The following CPA5 variants were observed in gnomAD, a reference collection of about 807,000 sequenced individuals.
CPA5 encodes carboxypeptidase A5, also known as testicular tissue protein Li 32.
A neutral mutation model predicts 52.2 loss-of-function variants in CPA5; 38 were observed. The ratio of observed to expected loss-of-function variants is 0.73; its 90% confidence interval spans 0.56 to 0.95. CPA5 has a LOEUF of 0.95. Among genes scored for constraint, CPA5 ranks in the 40% least tolerant of loss-of-function variants. The pLI is 0.00. For synonymous variants in CPA5, 198 were observed against 213.7 expected (o/e 0.93, Z 0.64); for missense variants, 519 against 566.7 (o/e 0.92, Z 0.86).
intron 7 of CPA5, 84 bp from the exon 8 acceptor site, chr7:130,362,354 C>A: frequency 2.2e-6 from 2 of 920,186 alleles, no homozygotes; most frequent in Non-Finnish European, 3.5e-6. Context: ...ACTGAGGATG[C>A]CTCAGGGACC....
At chr7:130,347,288 G>A (rs572211105) in intron 3 of CPA5, among the ~76,000 whole-genome samples, 3 of 152,308 alleles carry the variant, frequency 2.0e-5, no homozygotes, top group African/African-American at 7.2e-5. Flanking sequence ...CATGTCAGGT[G>A]GGGTGAGGTT....
At chr7:130,354,480 A>T (rs1347492860) in intron 5 of CPA5, among the ~76,000 whole-genome samples, 2 of 151,716 alleles carry the variant, frequency 1.3e-5, no homozygotes, top group African/African-American at 4.8e-5. Flanking sequence ...TGCAGCCTCC[A>T]CCTCCCAGGC....
At position 130,368,637 on chromosome 7, in the gene CPA5, A is replaced by C; in HGVS notation, c.*40A>C. 1 of 1,607,120 alleles carries C rather than the reference A, an allele frequency of 6.2e-7. No individual in the cohort carries two copies. The highest frequency in any genetic ancestry group is 8.5e-7 in the Non-Finnish European group (1 of 1,175,452). ...GCAGGAGGCTCCATCCTTCTCCCCA[A>C]GGTCTGTGGCTCCTCCCGAAACCCA... On this transcript the variant is annotated 3_prime_UTR_variant, in exon 13 of 13. Transcript: ENST00000474905.
At chr7:130,369,636 C>CGT (rs148171890), downstream of CPA5, among the ~76,000 whole-genome samples, 11 of 151,224 alleles carry the variant, frequency 7.3e-5, no homozygotes, top group East Asian at 5.8e-4. Flanking sequence ...TGTGTGTGTG[C>CGT]GTGTGTGTGT....
chr7:130,368,276 G>T, intron 12 of CPA5, 134 bp from the exon 13 acceptor site: 1 of 824,814 alleles, frequency 1.2e-6, no homozygotes, highest in Non-Finnish European at 1.9e-6. Flanking sequence ...GGCCTGGGCA[G>T]GAAGCCTGGT....
chr7:130,359,683 A>G lies in CPA5; in HGVS notation c.428A>G (p.Glu143Gly). ...AGTTACTCATCATACCACACCCTGG[A>G]GGAGGTAGGTCTGGCCGGGCAAGCT... ...SFSYSSYHTLEEIYSWIDNFV... is the reference protein window; with the variant it reads ...SFSYSSYHTLGEIYSWIDNFV... The change falls in exon 6 of 13, where the codon GAG becomes GGG. Residue 143 changes from glutamate (E) to glycine (G), a missense_variant. By Grantham distance (98) the Glu-to-Gly change is moderately conservative (BLOSUM62 -2). Coordinates refer to ENST00000474905, the MANE Select transcript of CPA5 (RefSeq NM_080385.5). The G allele has an allele frequency of 6.3e-7, 1 of 1,580,804 alleles. No individual in the cohort carries two copies. The highest frequency in any genetic ancestry group is 8.6e-7 in the Non-Finnish European group (1 of 1,163,006).
In CPA5 at chr7:130,365,095, T is replaced by G. The variant is rs1796005176; in HGVS notation, c.838+1586T>G. Reference sequence around the variant, plus strand: ...TTTTAGATCTGGATGCCCATTGCTTTTAAAATCTGGCTTCTTGGGGTCTGT... The same window carrying G: ...TTTTAGATCTGGATGCCCATTGCTTGTAAAATCTGGCTTCTTGGGGTCTGT... On this transcript the variant is annotated intron_variant, in intron 10 of 12. Transcript: ENST00000474905. 2.6e-5 allele frequency among the ~76,000 whole-genome samples: 4 copies of G among 152,310 alleles called. No individual in the cohort carries two copies. The South Asian group carries it at 8.3e-4, about 32-fold the overall frequency.
At position 130,361,204 on chromosome 7, in the gene CPA5, T is replaced by C; in HGVS notation, c.494T>C (p.Ile165Thr). 2 of 1,614,124 alleles carry C rather than the reference T, an allele frequency of 1.2e-6. No homozygotes were observed. Among genetic ancestry groups the C allele is most frequent in the Non-Finnish European group, 1.7e-6 (2 of 1,179,954 alleles). Residue 165 changes from isoleucine (I) to threonine (T), a missense_variant, in exon 7 of 13, where the codon ATT becomes ACT. By Grantham distance (89) the Ile-to-Thr change is moderately conservative. Transcript: ENST00000474905. ...EHSDIVSKIQ[I>T]GNSFENQSIL... ...TCCGATATTGTCTCAAAAATTCAGATTGGCAACAGCTTTGAAAACCAGTCC... is the reference window on the plus strand; with the variant it reads ...TCCGATATTGTCTCAAAAATTCAGACTGGCAACAGCTTTGAAAACCAGTCC...
intron 2 of CPA5, 70 bp from the exon 3 acceptor site, chr7:130,346,323 A>G: frequency 1.9e-6 from 1 of 531,162 alleles, no homozygotes; most frequent in Non-Finnish European, 3.3e-6. Flanking sequence ...GGGCAGCCCT[A>G]GCTCTCCCAA....
downstream of CPA5, among the ~76,000 whole-genome samples, chr7:130,370,734 C>A (rs567085304): frequency 6.6e-6 from 1 of 152,158 alleles, no homozygotes; most frequent in Non-Finnish European, 1.5e-5. Context: ...CAGCAGAATC[C>A]GTGGAGACTT....
Position 130,347,840 on chromosome 7 carries a change from C to A in CPA5, c.191C>A (p.Pro64His). Residue 64 changes from proline to histidine, a missense_variant, in exon 4 of 13, where the codon CCC becomes CAC. Coordinates refer to ENST00000474905, the MANE Select transcript of CPA5 (RefSeq NM_080385.5). Reference protein sequence around the residue: ...SLLGDLEGLKPQKVDFWRGPA... With the variant: ...SLLGDLEGLKHQKVDFWRGPA... Reference sequence around the variant, plus strand: ...CTCGGGGATCTGGAGGGCCTGAAACCCCAGAAGGTGAGGACTCCTCAGGCT... The same window carrying A: ...CTCGGGGATCTGGAGGGCCTGAAACACCAGAAGGTGAGGACTCCTCAGGCT... The A allele has an allele frequency of 6.2e-7, 1 of 1,613,810 alleles. No individual in the cohort carries two copies.
chr7:130,346,524 A>G lies in CPA5; in HGVS notation c.39A>G (p.Pro13=). Residue 13 remains proline (P), a synonymous_variant, in exon 3 of 13, where the codon CCA becomes CCG. Transcript: ENST00000474905. Reference sequence around the variant, plus strand: ...CTGGAGGCGGGACGCGCCCTGGGCCATCCCCCGTGGACAGGCGGACACTCC... The same window carrying G: ...CTGGAGGCGGGACGCGCCCTGGGCCGTCCCCCGTGGACAGGCGGACACTCC... The part of the protein sequence containing the change: ...GTPGGGTRPG[P]SPVDRRTLLV... 6.2e-7 allele frequency: 1 copy of G among 1,613,934 alleles called. No individual in the cohort carries two copies. Among genetic ancestry groups the G allele is most frequent in the Non-Finnish European group, 8.5e-7 (1 of 1,179,922 alleles).
At chr7:130,350,390 G>A (rs140572746) in intron 5 of CPA5, among the ~76,000 whole-genome samples, 2 of 152,252 alleles carry the variant, frequency 1.3e-5, no homozygotes, top group East Asian at 1.9e-4. Flanking sequence ...GCAAAGGTGC[G>A]GGGAGAAGGG....
chr7:130,367,322 G>A (rs1188132731), intron 10 of CPA5, 50 bp from the exon 11 acceptor site: 4 of 1,538,094 alleles, frequency 2.6e-6, no homozygotes, highest in Non-Finnish European at 3.6e-6. Flanking sequence ...AGCACCGTCT[G>A]TGTCGCACGT....
the CPA5 span, among the ~76,000 whole-genome samples, chr7:130,374,128 C>T: frequency 6.6e-6 from 1 of 152,172 alleles, no homozygotes; most frequent in East Asian, 1.9e-4. Flanking sequence ...TCCCAGGCAG[C>T]AGGTCCACTT....
At chr7:130,373,928 G>A in the CPA5 span, among the ~76,000 whole-genome samples, 5 of 152,230 alleles carry the variant, frequency 3.3e-5, no homozygotes, top group South Asian at 2.1e-4. Context: ...TCCCAAGTAC[G>A]TGGGGTAGGA....
intron 10 of CPA5, among the ~76,000 whole-genome samples, chr7:130,366,033 G>A (rs1445852278): frequency 2.6e-5 from 4 of 152,184 alleles, no homozygotes; most frequent in African/African-American, 9.7e-5. Context: ...GCCTCCCTGG[G>A]GCCAGCAAGA....
chr7:130,368,662 A>G lies in CPA5; in HGVS notation c.*65A>G. 6.6e-6 allele frequency: 10 copies of G among 1,523,576 alleles called. No homozygotes were observed. Among genetic ancestry groups the G allele is most frequent in the Non-Finnish European group, 8.1e-6 (9 of 1,104,608 alleles). The allele number at this position is 1,523,576 out of a possible 1,614,324, so 94.4% of individuals were successfully genotyped here. ...AGGTCTGTGGCTCCTCCCGAAACCC[A>G]AGTTATGCATCCCCATCCCCATGCC... On this transcript the variant is annotated 3_prime_UTR_variant, in exon 13 of 13. Transcript: ENST00000474905.
chr7:130,357,209 C>G (rs2117378017), intron 5 of CPA5, among the ~76,000 whole-genome samples: 1 of 151,548 alleles, frequency 6.6e-6, no homozygotes, highest in Non-Finnish European at 1.5e-5. Flanking sequence ...ATCTATGAAC[C>G]TGAACGTTGT....
Sources: allele counts gnomAD v4.1 joint callset (sites outside exome capture counted in the v4.1 genomes callset), GRCh38; gene constraint gnomAD v4.1.1; transcripts MANE v1.5; gene names NCBI Gene and HGNC (gene_info 2026-07-23, HGNC 2026-07-21).